APOL5: variants seen among roughly 807,000 people sequenced by gnomAD.
APOL5 encodes apolipoprotein L5, also known as apolipoprotein L, 5.
APOL5 carries 29 observed loss-of-function variants against 35.5 expected under a neutral mutation model. The ratio of observed to expected loss-of-function variants is 0.82; its 90% CI spans 0.61 to 1.11. The LOEUF (loss-of-function observed/expected upper bound fraction) is 1.11, where lower values mean the gene tolerates loss of function less well. Ranked by LOEUF, APOL5 falls within the 50% of genes most tolerant of loss-of-function variation. APOL5 has a pLI of 0.00. For synonymous variants in APOL5, 188 were observed against 200.2 expected, an observed-to-expected ratio of 0.94 and a Z score of 0.51; for missense variants, 514 against 530.4, an observed-to-expected ratio of 0.97 and a Z score of 0.30.
the APOL5 span, among the ~76,000 whole-genome samples, chr22:35,710,606 A>G: frequency 6.6e-6 from 1 of 152,050 alleles, no homozygotes; most frequent in Non-Finnish European, 1.5e-5. Flanking sequence ...GGCATTAGGT[A>G]TATTCACATT....
chr22:35,709,391 ACTT>A, the APOL5 span, among the ~76,000 whole-genome samples: 3 of 149,590 alleles, frequency 2.0e-5, no homozygotes, highest in African/African-American at 4.9e-5. Context: ...ACACACACAC[ACTT>A]CTTCTGAGAG....
At chr22:35,720,708 A>C in intron 2 of APOL5, 54 bp downstream of exon 2, 1 of 1,292,002 alleles carries the variant, frequency 7.7e-7, no homozygotes, top group African/African-American at 1.5e-5. Flanking sequence ...AGCATCCAAA[A>C]CAGTGTCTGT....
chr22:35,711,394 T>C, the APOL5 span, among the ~76,000 whole-genome samples: 1 of 152,318 alleles, frequency 6.6e-6, no homozygotes, highest in Non-Finnish European at 1.5e-5. Flanking sequence ...CTCTTGGGTA[T>C]ATATATACCC....
At chr22:35,717,559 G>A (rs188104188), upstream of APOL5, among the ~76,000 whole-genome samples, 189 of 151,286 alleles carry the variant, frequency 1.2e-3, 2 homozygotes, top group South Asian at 8.8e-3. Context: ...GGCCATCATG[G>A]TGAAACCCTG....
upstream of APOL5, among the ~76,000 whole-genome samples, chr22:35,716,852 C>T (rs908171014): frequency 6.6e-6 from 1 of 152,030 alleles, no homozygotes; most frequent in Non-Finnish European, 1.5e-5. Context: ...CATAGATTTG[C>T]CTCGTTCCTT....
At chr22:35,718,774 G>A (rs73155880) in intron 1 of APOL5, among the ~76,000 whole-genome samples, 94 of 151,524 alleles carry the variant, frequency 6.2e-4, no homozygotes, top group Non-Finnish European at 1.1e-3. Context: ...AACAGGGCAC[G>A]TGGCCAGGCA....
At chr22:35,712,980 C>T (rs1318593672), upstream of APOL5, among the ~76,000 whole-genome samples, 3 of 152,196 alleles carry the variant, frequency 2.0e-5, no homozygotes, top group Admixed American at 6.5e-5. Context: ...TCACTGCCAA[C>T]CTGTACACCT....
At chr22:35,722,237 C>G (rs1270838598) in intron 2 of APOL5, among the ~76,000 whole-genome samples, 1 of 152,198 alleles carries the variant, frequency 6.6e-6, no homozygotes, top group Non-Finnish European at 1.5e-5. Flanking sequence ...ATGTTAACCT[C>G]TCCTCCTTTG....
intron 2 of APOL5, among the ~76,000 whole-genome samples, chr22:35,725,480 C>A (rs1384126251): frequency 6.6e-6 from 1 of 152,000 alleles, no homozygotes; most frequent in Non-Finnish European, 1.5e-5. Flanking sequence ...GTTTTGAACT[C>A]CTGACCCTGT....
At position 35,728,754 on chromosome 22, in the gene APOL5, G is replaced by A; in HGVS notation, c.1158G>A (p.Val386=). ...GSRSPLPWPV[V]EHQPRLGPGV... ...GCTCACCTCTCCCCTGGCCTGTTGT[G>A]GAGCACCAGCCTAGGCTGGGCCCTG... Residue 386 remains valine, a synonymous_variant, in exon 4 of 5, where the codon GTG becomes GTA. Transcript: ENST00000249044. The A allele has an allele frequency of 6.2e-7, 1 of 1,613,182 alleles. No homozygotes were observed. Among genetic ancestry groups the A allele is most frequent in the Non-Finnish European group, 8.5e-7 (1 of 1,179,594 alleles).
At chr22:35,720,542 T>G (rs921104028) in intron 1 of APOL5, 26 bp from the exon 2 acceptor site, 3 of 1,610,610 alleles carry the variant, frequency 1.9e-6, no homozygotes, top group Non-Finnish European at 2.5e-6. Flanking sequence ...CAAGAAGAAA[T>G]GTCCCTGATC....
chr22:35,712,444 C>T, the APOL5 span, among the ~76,000 whole-genome samples: 3 of 152,082 alleles, frequency 2.0e-5, no homozygotes, highest in East Asian at 5.8e-4. Context: ...TCTTGAACTC[C>T]TAGCCTCAAG....
chr22:35,720,541 A>T (rs369787137), intron 1 of APOL5, 27 bp from the exon 2 acceptor site: 55 of 1,610,476 alleles, frequency 3.4e-5, no homozygotes, highest in Non-Finnish European at 4.2e-5. Flanking sequence ...TCAAGAAGAA[A>T]TGTCCCTGAT....
At position 35,726,517 on chromosome 22, in the gene APOL5, T is replaced by A; in HGVS notation, c.449T>A (p.Val150Asp). 6.2e-7 allele frequency: 1 copy of A among 1,614,072 alleles called. No homozygotes were observed. ...VASSSGAVSG[V>D]MNILGLALAP... ...AGCTCTTCCGGGGCTGTTTCTGGGG[T>A]CATGAACATCCTGGGTTTGGCCCTA... The change falls in exon 3 of 5, where the codon GTC (valine) becomes GAC (aspartate). Residue 150 changes from valine to aspartate, a missense_variant. By Grantham distance (152) the Val-to-Asp change is radical (BLOSUM62 -3). Transcript: ENST00000249044.
At position 35,726,210 on chromosome 22, in the gene APOL5, G is replaced by GCCTCA. The variant is rs761432814; in HGVS notation, c.144_148dup (p.Leu50ProfsTer4). On this transcript the variant is annotated frameshift_variant and splice_region_variant. Transcript: ENST00000249044. LOFTEE classifies it high-confidence loss of function. The stretch of plus-strand genomic sequence containing the variant: ...TGCTCAGATTGCCTAGATGTCTTTA[G>GCCTCA]CCTCACTCGTGAACCTGTGCCAGAG... 37 of 1,606,242 alleles carry GCCTCA rather than the reference G, an allele frequency of 2.3e-5. 1 individual carries two copies. Among genetic ancestry groups the GCCTCA allele is most frequent in the Non-Finnish European group, 3.2e-5 (37 of 1,173,574 alleles).
chr22:35,724,821 G>A (rs1927094121), intron 2 of APOL5, among the ~76,000 whole-genome samples: 1 of 152,120 alleles, frequency 6.6e-6, no homozygotes, highest in South Asian at 2.1e-4. Flanking sequence ...AAGTTGGTCA[G>A]GCTGGTCTTG....
upstream of APOL5, among the ~76,000 whole-genome samples, chr22:35,713,176 C>T (rs114440538): frequency 3.1e-3 from 472 of 152,322 alleles, 1 homozygote; most frequent in African/African-American, 0.011. Flanking sequence ...TTTTGGCATC[C>T]TTTTAATCTA....
the APOL5 span, among the ~76,000 whole-genome samples, chr22:35,711,814 T>C: frequency 6.6e-6 from 1 of 151,762 alleles, no homozygotes; most frequent in Non-Finnish European, 1.5e-5. Context: ...TAGCTGGGAT[T>C]ACAGGTATGC....
At chr22:35,727,320 A>G in intron 3 of APOL5, 126 bp downstream of exon 3, 1 of 1,391,576 alleles carries the variant, frequency 7.2e-7, no homozygotes, top group South Asian at 1.4e-5. Context: ...CTGCAAAGAG[A>G]GGACTTGCCG....
Sources: gnomAD v4.1 joint callset for allele counts (sites outside exome capture counted in the v4.1 genomes callset) on GRCh38, gnomAD v4.1.1 for gene constraint, MANE v1.5 for transcripts, NCBI Gene and HGNC (gene_info 2026-07-23, HGNC 2026-07-21) for gene names.